The following EXOC6 variants were observed in gnomAD, a reference collection of about 807,000 sequenced individuals.
The protein encoded by EXOC6 is exocyst complex component 6.
EXOC6 carries 60 observed loss-of-function variants against 112.5 expected under a neutral mutation model. That is an observed-to-expected ratio of 0.53 (90% CI 0.43 to 0.66). EXOC6 has a LOEUF of 0.66. Ranked by LOEUF, EXOC6 falls within the 30% of genes least tolerant of loss-of-function variation. The pLI, the probability that EXOC6 is intolerant of heterozygous loss-of-function variation, is 0.00. For missense variants in EXOC6, 855 were observed against 957.1 expected (o/e 0.89, Z 1.41); for synonymous variants, 295 against 308.0 (o/e 0.96, Z 0.44).
chr10:92,994,546 G>A (rs186220331), intron 18 of EXOC6, among the ~76,000 whole-genome samples: 29 of 152,226 alleles, frequency 1.9e-4, no homozygotes, highest in Non-Finnish European at 2.5e-4. Context: ...GGTAATAGTT[G>A]CAATTAATTT....
intron 20 of EXOC6, among the ~76,000 whole-genome samples, chr10:93,047,621 T>G (rs1241567167): frequency 6.6e-6 from 1 of 151,202 alleles, no homozygotes; most frequent in Admixed American, 6.6e-5. Context: ...GAAGTTAAAT[T>G]GGTACTATTT....
intron 1 of EXOC6, among the ~76,000 whole-genome samples, chr10:92,849,627 C>T (rs996757863): frequency 1.3e-5 from 2 of 152,184 alleles, no homozygotes; most frequent in Non-Finnish European, 2.9e-5. Flanking sequence ...CTTCAGAATA[C>T]ACTTCCTAGA....
chr10:92,927,470 A>G (rs1441962374), intron 8 of EXOC6, among the ~76,000 whole-genome samples: 2 of 152,224 alleles, frequency 1.3e-5, no homozygotes, highest in African/African-American at 4.8e-5. Context: ...GTAAAGATAG[A>G]TCTCTGTTGT....
At chr10:92,926,933 C>T (rs561221205) in intron 8 of EXOC6, among the ~76,000 whole-genome samples, 1 of 151,974 alleles carries the variant, frequency 6.6e-6, no homozygotes, top group Non-Finnish European at 1.5e-5. Context: ...ATATCCTCTA[C>T]ATTTATTTAA....
chr10:92,909,432 A>G lies in EXOC6; in HGVS notation c.464A>G (p.Tyr155Cys). 1.2e-6 allele frequency: 2 copies of G among 1,609,436 alleles called. No homozygotes were observed. The highest frequency in any genetic ancestry group is 3.4e-5 in the Admixed American group (2 of 59,526). Residue 155 changes from tyrosine (Y) to cysteine (C), a missense_variant, in exon 6 of 22, where the codon TAT becomes TGT. This residue lies in a region of EXOC6 where 405 missense variants were observed against 393.6 expected (regional missense o/e 1.03). Coordinates refer to ENST00000260762, the MANE Select transcript of EXOC6 (RefSeq NM_019053.6). ...LKEQMSAKRY[Y>C]SALKTMEQLE... ...TCTTTTTTAACTTCTCACAGGTACT[A>G]TTCTGCCCTAAAAACTATGGAACAA... is the stretch of plus-strand genomic sequence containing the variant.
intron 17 of EXOC6, among the ~76,000 whole-genome samples, chr10:92,958,924 T>C (rs1676821022): frequency 6.6e-6 from 1 of 152,050 alleles, no homozygotes; most frequent in African/African-American, 2.4e-5. Context: ...TGAAACCCTG[T>C]CTCTACTAAA....
chr10:92,963,430 A>G (rs1013877315), intron 17 of EXOC6, among the ~76,000 whole-genome samples: 1 of 152,154 alleles, frequency 6.6e-6, no homozygotes, highest in African/African-American at 2.4e-5. Context: ...TTTGTAATAG[A>G]ACATTTAGTA....
At chr10:93,036,430 T>C (rs1845519897) in intron 20 of EXOC6, among the ~76,000 whole-genome samples, 1 of 152,182 alleles carries the variant, frequency 6.6e-6, no homozygotes, top group Admixed American at 6.5e-5. Flanking sequence ...TTGGTAAATA[T>C]GGATGTTTCA....
rs925769170 is a variant in EXOC6, at chr10:92,894,674, G to T, written c.274-120G>T. On this transcript the variant is annotated intron_variant, in intron 2 of 21. Coordinates refer to ENST00000260762, the MANE Select transcript of EXOC6 (RefSeq NM_019053.6). The stretch of plus-strand genomic sequence containing the variant: ...CAAGTTCAAGCTGTAGAGTTAATTT[G>T]AATTTGCATTTCTTTGTTCTAAGTT... 1.0e-4 allele frequency: 75 copies of T among 733,264 alleles called. No individual in the cohort carries two copies. The African/African-American group carries it at 1.3e-3, about 13-fold the overall frequency. The allele number at this position is 733,264 out of a possible 1,614,324, so 45.4% of individuals were successfully genotyped here. A position where few individuals can be genotyped will look rare whatever the true frequency, so the allele number is the denominator to read the frequency against.
At chr10:92,975,455 GC>G (rs1314234403) in intron 18 of EXOC6, among the ~76,000 whole-genome samples, 1 of 147,980 alleles carries the variant, frequency 6.8e-6, no homozygotes, top group Non-Finnish European at 1.5e-5. Context: ...CCCGGCAGCC[GC>G]CCCGTCCGGG....
At chr10:92,938,351 C>A (rs997056876) in intron 12 of EXOC6, among the ~76,000 whole-genome samples, 1 of 152,070 alleles carries the variant, frequency 6.6e-6, no homozygotes, top group Non-Finnish European at 1.5e-5. Context: ...AGCTGACAGA[C>A]TGAGTATTAG....
chr10:93,008,839 C>G (rs768368679), intron 19 of EXOC6, among the ~76,000 whole-genome samples: 29 of 152,048 alleles, frequency 1.9e-4, no homozygotes, highest in Non-Finnish European at 3.7e-4. Context: ...GTATTTTCAC[C>G]CACCCTAAAT....
At chr10:92,963,694 A>G (rs375961813) in intron 17 of EXOC6, among the ~76,000 whole-genome samples, 9 of 152,046 alleles carry the variant, frequency 5.9e-5, no homozygotes, top group African/African-American at 2.2e-4. Context: ...GGGTCTCACC[A>G]TATTACCCCT....
chr10:92,896,175 ATATATATTTT>A (rs1849798865), intron 4 of EXOC6, among the ~76,000 whole-genome samples: 19 of 20,506 alleles, frequency 9.3e-4, no homozygotes, highest in South Asian at 4.8e-3. Flanking sequence ...ATATATATAT[ATATATATTTT>A]TTTTTTTTTT....
chr10:92,834,171 C>T (rs1307272671), upstream of EXOC6, among the ~76,000 whole-genome samples: 3 of 152,046 alleles, frequency 2.0e-5, no homozygotes, highest in East Asian at 3.9e-4. Flanking sequence ...AGACAGGGCA[C>T]CAAGGAATTA....
chr10:93,020,772 G>A (rs1213776632), intron 20 of EXOC6, among the ~76,000 whole-genome samples: 2 of 151,878 alleles, frequency 1.3e-5, no homozygotes, highest in African/African-American at 4.8e-5. Context: ...GAAATGTTGG[G>A]GCTCAGAAAC....
At chr10:92,907,390 G>C (rs887186008) in intron 5 of EXOC6, among the ~76,000 whole-genome samples, 2 of 152,092 alleles carry the variant, frequency 1.3e-5, no homozygotes, top group African/African-American at 4.8e-5. Context: ...ACATTTCTGG[G>C]TTGTGCGTAT....
At chr10:92,959,009 G>A (rs1853843403) in intron 17 of EXOC6, among the ~76,000 whole-genome samples, 2 of 152,046 alleles carry the variant, frequency 1.3e-5, no homozygotes. Context: ...CAGGAGAATC[G>A]CTTGAACCCG....
At chr10:92,920,925 T>C (rs1052372350) in intron 8 of EXOC6, among the ~76,000 whole-genome samples, 11 of 152,244 alleles carry the variant, frequency 7.2e-5, no homozygotes, top group Admixed American at 2.0e-4. Context: ...CTGAGCACTA[T>C]TGGCATAGCA....
Sources: allele counts gnomAD v4.1 joint callset (sites outside exome capture counted in the v4.1 genomes callset), GRCh38; gene constraint gnomAD v4.1.1; regional missense constraint gnomAD v4.1.1; transcripts MANE v1.5; gene names NCBI Gene and HGNC (gene_info 2026-07-23, HGNC 2026-07-21).